The following CCDC110 variants were observed in gnomAD, a reference collection of about 807,000 sequenced individuals.
CCDC110 encodes coiled-coil domain containing 110.
A neutral mutation model predicts 77.1 loss-of-function variants in CCDC110; 70 were observed. That is an observed-to-expected ratio of 0.91 (90% CI 0.75 to 1.11). The LOEUF is 1.11. Ranked by LOEUF, CCDC110 falls within the 50% of genes least tolerant of loss-of-function variation. CCDC110 has a pLI of 0.00. For missense variants in CCDC110, 868 were observed against 942.9 expected (o/e 0.92, Z 1.04); for synonymous variants, 295 against 312.5 (o/e 0.94, Z 0.59).
At chr4:185,462,000 A>G (rs2095647282) in intron 4 of CCDC110, among the ~76,000 whole-genome samples, 1 of 152,192 alleles carries the variant, frequency 6.6e-6, no homozygotes, top group Non-Finnish European at 1.5e-5. Flanking sequence ...CAGGAGGCTG[A>G]GGCAGGAGAA....
intron 6 of CCDC110, among the ~76,000 whole-genome samples, chr4:185,450,519 C>T (rs1000528250): frequency 6.6e-5 from 10 of 152,098 alleles, no homozygotes; most frequent in Non-Finnish European, 1.0e-4. Context: ...GAGGCTGAGT[C>T]GGGTGGATCA....
chr4:185,459,157 T>C lies in CCDC110; in HGVS notation c.1430A>G (p.Glu477Gly), dbSNP rs778415535. ...QSLIQKVETY[E>G]KQLKNLVEEK... Reference sequence around the variant, plus strand: ...TTCAACCAGATTCTTAAGTTGCTTTTCATATGTTTCAACTTTCTGTATGAG... The same window carrying C: ...TTCAACCAGATTCTTAAGTTGCTTTCCATATGTTTCAACTTTCTGTATGAG... Residue 477 changes from glutamate to glycine, a missense_variant, in exon 6 of 7, where the codon GAA (glutamate) becomes GGA (glycine). Coordinates refer to ENST00000307588, the MANE Select transcript of CCDC110 (RefSeq NM_152775.4). 3 of 1,599,742 alleles carry C rather than the reference T, an allele frequency of 1.9e-6. No homozygotes were observed. Among genetic ancestry groups the C allele is most frequent in the Non-Finnish European group, 2.6e-6 (3 of 1,173,852 alleles).
At chr4:185,449,769 A>T (rs910661422) in intron 6 of CCDC110, 3 of 551,170 alleles carry the variant, frequency 5.4e-6, no homozygotes, top group Middle Eastern at 4.0e-4. Context: ...AAATTCTGCA[A>T]CTCTAATTCT....
intron 6 of CCDC110, chr4:185,457,387 C>G (rs11722096): frequency 0.22 from 100,655 of 447,946 alleles, 13,238 homozygotes; most frequent in Non-Finnish European, 0.3. Context: ...TCTAAGCTCA[C>G]TCTCTCCTGT....
chr4:185,462,943 A>C (rs1408742923), intron 3 of CCDC110, 51 bp downstream of exon 3: 2 of 1,420,408 alleles, frequency 1.4e-6, no homozygotes, highest in Admixed American at 3.4e-5. Flanking sequence ...TCTGAAAAAG[A>C]TCAGCCTTTA....
chr4:185,456,428 A>T (rs115362453), intron 6 of CCDC110, among the ~76,000 whole-genome samples: 103,658 of 151,648 alleles, frequency 0.68, 36,012 homozygotes, highest in Middle Eastern at 0.76. Flanking sequence ...TCAATGGAAG[A>T]AAAAAACAAA....
chr4:185,469,260 T>G (rs1321723774), intron 2 of CCDC110, among the ~76,000 whole-genome samples: 1 of 152,212 alleles, frequency 6.6e-6, no homozygotes, highest in Non-Finnish European at 1.5e-5. Context: ...CCTCCTAGTT[T>G]TGCCTATAGT....
intron 6 of CCDC110, among the ~76,000 whole-genome samples, chr4:185,447,404 T>C (rs1427776718): frequency 2.0e-5 from 3 of 152,072 alleles, no homozygotes; most frequent in Non-Finnish European, 4.4e-5. Flanking sequence ...ATGGACTTGA[T>C]CTCCTGACCT....
Position 185,459,929 on chromosome 4 carries a change from G to A in CCDC110, c.658C>T (p.Leu220=), listed in dbSNP as rs2095642969. The change falls in exon 6 of 7, where the codon CTG becomes TTG. Residue 220 remains leucine (L), a synonymous_variant. Coordinates refer to ENST00000307588, the MANE Select transcript of CCDC110 (RefSeq NM_152775.4). ...GGCACAGTAATTTTGGATTTATCCA[G>A]AATTACTGTATCAGCTTGAGACATC... is the stretch of plus-strand genomic sequence containing the variant. ...NVMSQADTVI[L]DKSKITVPFL... The A allele has an allele frequency of 1.9e-6, 3 of 1,613,410 alleles. No homozygotes were observed. In the East Asian group the frequency reaches 6.7e-5, roughly 36 times the overall value.
chr4:185,467,068 C>T (rs2095657610), intron 2 of CCDC110, among the ~76,000 whole-genome samples: 1 of 152,044 alleles, frequency 6.6e-6, no homozygotes, highest in South Asian at 2.1e-4. Flanking sequence ...CAGGGAGAAA[C>T]GTGTTCAAGA....
At chr4:185,464,905 G>C (rs1171661089) in intron 2 of CCDC110, among the ~76,000 whole-genome samples, 1 of 152,068 alleles carries the variant, frequency 6.6e-6, no homozygotes, top group East Asian at 1.9e-4. Context: ...AAATTAACAT[G>C]AAAAGAATTA....
At chr4:185,465,739 G>A (rs2095654442) in intron 2 of CCDC110, among the ~76,000 whole-genome samples, 1 of 152,228 alleles carries the variant, frequency 6.6e-6, no homozygotes, top group South Asian at 2.1e-4. Context: ...AATAATCTAA[G>A]TGGAGATGAA....
intron 2 of CCDC110, 134 bp from the exon 3 acceptor site, chr4:185,463,183 T>G: frequency 1.5e-6 from 1 of 645,552 alleles, no homozygotes; most frequent in Non-Finnish European, 2.7e-6. Flanking sequence ...ATTCACACTA[T>G]GCTAGTCACA....
chr4:185,467,862 G>A (rs542169422), intron 2 of CCDC110, among the ~76,000 whole-genome samples: 11 of 152,222 alleles, frequency 7.2e-5, no homozygotes, highest in East Asian at 1.9e-4. Flanking sequence ...TCTGCCTCCC[G>A]GGTTCAAGTG....
chr4:185,458,780 C>T lies in CCDC110; in HGVS notation c.1807G>A (p.Gly603Arg). 1 of 1,610,396 alleles carries T rather than the reference C, an allele frequency of 6.2e-7. No individual in the cohort carries two copies. The highest frequency in any genetic ancestry group is 8.5e-7 in the Non-Finnish European group (1 of 1,179,164). ...AGCTGGCTTTCTTTTAGTTCATTTC[C>T]AAGTGAGCTTTTTTCTTTTAGAAGC... ...HQLLKEKSSL[G>R]NELKESQLEI... The change falls in exon 6 of 7, where the codon GGA becomes AGA. Residue 603 changes from glycine to arginine, a missense_variant. Coordinates refer to ENST00000307588, the MANE Select transcript of CCDC110 (RefSeq NM_152775.4).
rs140193093 is a variant in CCDC110, at chr4:185,466,104, A to G, written c.116-3055T>C. On this transcript the variant is annotated intron_variant, in intron 2 of 6. Transcript: ENST00000307588. The stretch of plus-strand genomic sequence containing the variant: ...CATTCAACATGGATGGGCCGGGTGC[A>G]GTGGCTCGCACCTGTAATCCCAGCA... 4.9e-3 allele frequency among the ~76,000 whole-genome samples: 744 copies of G among 152,266 alleles called. 4 individuals carry two copies. The highest frequency in any genetic ancestry group is 7.7e-3 in the Non-Finnish European group (524 of 68,006).
intron 1 of CCDC110, 47 bp from the exon 2 acceptor site, chr4:185,471,096 G>T: frequency 9.9e-7 from 1 of 1,013,014 alleles, no homozygotes; most frequent in Non-Finnish European, 1.4e-6. Context: ...TCGTGGCGTG[G>T]CGGGGCTGAA....
Position 185,458,232 on chromosome 4 carries a change from A to G in CCDC110, c.2355T>C (p.Pro785=). The change falls in exon 6 of 7, where the codon CCT becomes CCC. Residue 785 remains proline (P), a synonymous_variant. Coordinates refer to ENST00000307588, the MANE Select transcript of CCDC110 (RefSeq NM_152775.4). ...SDKICNQHND[P]SKTTYISRRE... Reference sequence around the variant, plus strand: ...TTCTTGAAATGTAAGTTGTTTTTGAAGGGTCATTATGCTGATTACAAATTT... The same window carrying G: ...TTCTTGAAATGTAAGTTGTTTTTGAGGGGTCATTATGCTGATTACAAATTT... The G allele has an allele frequency of 6.2e-7, 1 of 1,605,018 alleles. No individual in the cohort carries two copies. The highest frequency in any genetic ancestry group is 8.5e-7 in the Non-Finnish European group (1 of 1,177,574).
chr4:185,462,728 T>A lies in CCDC110; in HGVS notation c.172-20A>T, dbSNP rs761397023. 1.3e-6 allele frequency: 2 copies of A among 1,599,362 alleles called. No homozygotes were observed. Among genetic ancestry groups the A allele is most frequent in the African/African-American group, 1.3e-5 (1 of 74,730 alleles). The stretch of plus-strand genomic sequence containing the variant: ...AAGGACCTATGACAAAAGTAAAGTA[T>A]GAAATTGAGTATTTTTAGGTAGGTA... On this transcript the variant is annotated intron_variant, in intron 3 of 6. Transcript: ENST00000307588.
Sources: gnomAD v4.1 joint callset for allele counts (sites outside exome capture counted in the v4.1 genomes callset) on GRCh38, gnomAD v4.1.1 for gene constraint, MANE v1.5 for transcripts, NCBI Gene and HGNC (gene_info 2026-07-23, HGNC 2026-07-21) for gene names.